Variants in PNLIP observed in about 807,000 individuals in gnomAD.
The protein encoded by PNLIP is pancreatic lipase.
In PNLIP, 49 loss-of-function variants were observed where a neutral mutation model predicts 57.1. That is an observed-to-expected ratio of 0.86 (90% CI 0.68 to 1.09). PNLIP has a LOEUF of 1.09. PNLIP is among the 50% of genes least tolerant of loss of function. The pLI is 0.00. For missense variants in PNLIP, 503 were observed against 570.2 expected, an observed-to-expected ratio of 0.88 and a Z score of 1.20; for synonymous variants, 209 against 200.4, an observed-to-expected ratio of 1.04 and a Z score of -0.36.
At chr10:116,547,775 T>C (rs1189900785) in intron 3 of PNLIP, among the ~76,000 whole-genome samples, 1 of 151,278 alleles carries the variant, frequency 6.6e-6, no homozygotes, top group African/African-American at 2.4e-5. Flanking sequence ...CCACCTGTTT[T>C]CTGTAATAAG....
At chr10:116,557,620 G>A (rs914098981) in intron 9 of PNLIP, among the ~76,000 whole-genome samples, 1 of 152,088 alleles carries the variant, frequency 6.6e-6, no homozygotes, top group African/African-American at 2.4e-5. Context: ...GCTGGCTTAG[G>A]CAACACCTGG....
rs1446362331 is a variant in PNLIP, at chr10:116,555,901, A to G, written c.812-99A>G. 5.3e-6 allele frequency: 4 copies of G among 751,172 alleles called. No individual in the cohort carries two copies. The East Asian group carries it at 7.4e-5, about 14-fold the overall frequency. 46.5% of individuals were successfully genotyped at this position (751,172 alleles called of 1,614,324 possible). A position where few individuals can be genotyped will look rare whatever the true frequency, so the allele number is the denominator to read the frequency against. On this transcript the variant is annotated intron_variant, in intron 8 of 12. Transcript: ENST00000369221. ...TGTTCTGTGACCTGCATGAGCTCAC[A>G]CTAATTAGAGAAATCTATTCAACCA...
At chr10:116,565,895 A>G (rs922460010) in intron 12 of PNLIP, among the ~76,000 whole-genome samples, 5 of 152,010 alleles carry the variant, frequency 3.3e-5, no homozygotes, top group African/African-American at 1.2e-4. Flanking sequence ...CTGAACCTCC[A>G]TCTCCTGGGT....
chr10:116,553,951 A>G (rs538675255), intron 6 of PNLIP, 113 bp downstream of exon 6: 2 of 541,180 alleles, frequency 3.7e-6, no homozygotes, highest in African/African-American at 2.0e-5. Context: ...CCTTAAAAAA[A>G]AAAAAAAGAA....
chr10:116,554,616 G>A (rs1198366696), intron 6 of PNLIP, among the ~76,000 whole-genome samples: 2 of 152,154 alleles, frequency 1.3e-5, no homozygotes, highest in Non-Finnish European at 2.9e-5. Context: ...TCTTCCATCT[G>A]TGTTCAACCT....
At position 116,556,101 on chromosome 10, in the gene PNLIP, T is replaced by C; in HGVS notation, c.913T>C (p.Tyr305His). 1 of 1,606,684 alleles carries C rather than the reference T, an allele frequency of 6.2e-7. No homozygotes were observed. The highest frequency in any genetic ancestry group is 8.5e-7 in the Non-Finnish European group (1 of 1,173,210). Residue 305 changes from tyrosine (Y) to histidine (H), a missense_variant, in exon 9 of 13, where the codon TAC (tyrosine) becomes CAC (histidine). By Grantham distance (83) the Tyr-to-His change is moderately conservative (BLOSUM62 2). Coordinates refer to ENST00000369221, the MANE Select transcript of PNLIP (RefSeq NM_000936.4). ...DGFAGFPCAS[Y>H]NVFTANKCFP... ...CTTTGCTGGATTCCCCTGTGCCTCTTACAACGTCTTCACTGCAGTAAGTAG... is the reference window on the plus strand; with the variant it reads ...CTTTGCTGGATTCCCCTGTGCCTCTCACAACGTCTTCACTGCAGTAAGTAG...
intron 12 of PNLIP, among the ~76,000 whole-genome samples, chr10:116,566,745 A>G (rs894937765): frequency 6.6e-6 from 1 of 152,180 alleles, no homozygotes; most frequent in Non-Finnish European, 1.5e-5. Context: ...TTAATCATGT[A>G]TAAATATTGG....
Position 116,546,118 on chromosome 10 carries a change from T to A in PNLIP, c.26T>A (p.Leu9Gln). 6.2e-7 allele frequency: 1 copy of A among 1,613,848 alleles called. No individual in the cohort carries two copies. The highest frequency in any genetic ancestry group is 1.6e-4 in the Middle Eastern group (1 of 6,062). ...ATGCTGCCACTTTGGACTCTTTCAC[T>A]GCTGCTGGGAGCAGTAGCAGGTAAG... MLPLWTLS[L>Q]LLGAVAGKEV... The change falls in exon 2 of 13, where the codon CTG becomes CAG. Residue 9 changes from leucine (L) to glutamine (Q), a missense_variant. By Grantham distance (113) the Leu-to-Gln change is moderately radical. Transcript: ENST00000369221.
At chr10:116,562,018 A>C (rs1403886969) in intron 12 of PNLIP, among the ~76,000 whole-genome samples, 1 of 152,208 alleles carries the variant, frequency 6.6e-6, no homozygotes, top group Non-Finnish European at 1.5e-5. Context: ...TGAATGTTTC[A>C]AGGAATAGAA....
chr10:116,562,252 C>A (rs1188374335), intron 12 of PNLIP, among the ~76,000 whole-genome samples: 2 of 152,184 alleles, frequency 1.3e-5, no homozygotes, highest in Admixed American at 6.5e-5. Flanking sequence ...ATCCTTCCAT[C>A]CTCATAAAAA....
chr10:116,560,545 C>A (rs779686538), intron 11 of PNLIP, 21 bp downstream of exon 11: 1,669 of 702,536 alleles, frequency 2.4e-3, no homozygotes, highest in Non-Finnish European at 3.7e-3. Flanking sequence ...TAATATTGCT[C>A]TATGCTTTTT....
intron 8 of PNLIP, 87 bp downstream of exon 8, chr10:116,555,594 A>G: frequency 7.2e-7 from 1 of 1,391,790 alleles, no homozygotes; most frequent in South Asian, 1.4e-5. Flanking sequence ...TTGGAATTGT[A>G]CAGGTCTCAC....
intron 4 of PNLIP, 136 bp from the exon 5 acceptor site, chr10:116,550,962 G>T: frequency 1.6e-6 from 1 of 623,676 alleles, no homozygotes; most frequent in Non-Finnish European, 2.5e-6. Flanking sequence ...CAGACTAAAA[G>T]TTTTGTCAAT....
chr10:116,561,922 G>C (rs1243775889), intron 12 of PNLIP, among the ~76,000 whole-genome samples: 3 of 152,190 alleles, frequency 2.0e-5, no homozygotes, highest in Admixed American at 6.5e-5. Flanking sequence ...TGGCAGCTGT[G>C]CTTCGTGCTA....
At chr10:116,559,716 AG>A (rs1265253051) in intron 10 of PNLIP, among the ~76,000 whole-genome samples, 1 of 152,186 alleles carries the variant, frequency 6.6e-6, no homozygotes, top group Non-Finnish European at 1.5e-5. Context: ...TGGGAATTAG[AG>A]GCTGGAGGAG....
chr10:116,558,500 T>C (rs1040992672), intron 9 of PNLIP, among the ~76,000 whole-genome samples: 1 of 151,696 alleles, frequency 6.6e-6, no homozygotes, highest in African/African-American at 2.4e-5. Context: ...AGCCAACTTA[T>C]GCAATCTTTC....
chr10:116,551,602 C>T (rs1847194672), intron 5 of PNLIP, among the ~76,000 whole-genome samples: 1 of 152,084 alleles, frequency 6.6e-6, no homozygotes, highest in Non-Finnish European at 1.5e-5. Context: ...AACAAGCTAA[C>T]CTCATTTGGT....
chr10:116,547,201 T>C, intron 2 of PNLIP, 93 bp from the exon 3 acceptor site: 1 of 1,222,342 alleles, frequency 8.2e-7, no homozygotes, highest in Non-Finnish European at 1.2e-6. Context: ...AGGAGGAAAG[T>C]CTACCACACA....
chr10:116,565,102 G>A (rs1218896397), intron 12 of PNLIP, among the ~76,000 whole-genome samples: 1 of 151,612 alleles, frequency 6.6e-6, no homozygotes, highest in African/African-American at 2.4e-5. Context: ...CTAAATACAC[G>A]ACGCAGGCGT....
Sources: gnomAD v4.1 joint callset for allele counts (sites outside exome capture counted in the v4.1 genomes callset) on GRCh38, gnomAD v4.1.1 for gene constraint, MANE v1.5 for transcripts, NCBI Gene and HGNC (gene_info 2026-07-23, HGNC 2026-07-21) for gene names.